Variants in INSM1 observed in about 807,000 individuals in gnomAD.
INSM1 encodes INSM transcriptional repressor 1, also known as insulinoma-associated protein 1.
A neutral mutation model predicts 21.1 loss-of-function variants in INSM1; 11 were observed. The ratio of observed to expected loss-of-function variants is 0.52; its 90% CI spans 0.33 to 0.86. INSM1 has a LOEUF of 0.86. INSM1 is among the 40% of genes least tolerant of loss of function. The pLI is 0.03. For missense variants in INSM1, 843 were observed against 760.1 expected (o/e 1.11, Z -1.28); for synonymous variants, 473 against 386.1 (o/e 1.23, Z -2.64).
In INSM1 at chr20:20,369,026, G is replaced by A; in HGVS notation, c.759G>A (p.Pro253=). 6.6e-7 allele frequency: 1 copy of A among 1,525,326 alleles called. No individual in the cohort carries two copies. Among genetic ancestry groups the A allele is most frequent in the Non-Finnish European group, 8.8e-7 (1 of 1,141,970 alleles). The allele number at this position is 1,525,326 out of a possible 1,614,324, so 94.5% of individuals were successfully genotyped here. A position where few individuals can be genotyped will look rare whatever the true frequency, so the allele number is the denominator to read the frequency against. The change falls in exon 1 of 1, where the codon CCG becomes CCA. Residue 253 remains proline (P), a synonymous_variant. Coordinates refer to ENST00000310227, the MANE Select transcript of INSM1 (RefSeq NM_002196.3). This position sits in a 1 kb window ranked among gnomAD's most constrained non-coding sequence, Gnocchi z 5.6. ...TCAAGGAGGGCCCGGTGGAGGCGCC[G>A]CGGGGCCGCGCGGGGGGCGCGGCGC... ...LKIKEGPVEA[P]RGRAGGAARP...
chr20:20,368,421 C>T lies in INSM1; in HGVS notation c.154C>T (p.Pro52Ser). The T allele has an allele frequency of 3.0e-6, 3 of 988,804 alleles. No homozygotes were observed. Among genetic ancestry groups the T allele is most frequent in the Non-Finnish European group, 3.6e-6 (3 of 833,764 alleles). The allele number at this position is 988,804 out of a possible 1,614,324, so 61.3% of individuals were successfully genotyped here. ...EPPAPSPVPGPLPPPPPAERA... is the reference protein window; with the variant it reads ...EPPAPSPVPGSLPPPPPAERA... ...CCCGGCGCCGAGCCCGGTCCCCGGG[C>T]CGCTGCCGCCGCCGCCGCCCGCGGA... Residue 52 changes from proline (P) to serine (S), a missense_variant, in exon 1 of 1, where the codon CCG (proline) becomes TCG (serine). By Grantham distance (74) the Pro-to-Ser change is moderately conservative. Coordinates refer to ENST00000310227, the MANE Select transcript of INSM1 (RefSeq NM_002196.3). The surrounding 1 kb of genome is among the most constrained non-coding windows in gnomAD (Gnocchi z 4.3).
rs1404617438 is a variant in INSM1 at position 20,370,583 on chromosome 20, A to C, written c.*783A>C. 2 of 166,664 alleles carry C rather than the reference A, an allele frequency of 1.2e-5. No homozygotes were observed. The highest frequency in any genetic ancestry group is 2.4e-5 in the African/African-American group (1 of 41,348). 10.3% of individuals were successfully genotyped at this position (166,664 alleles called of 1,614,324 possible). A position where few individuals can be genotyped will look rare whatever the true frequency, so the allele number is the denominator to read the frequency against. ...TATGAGTAATTGTTATTTATTCTTT[A>C]TTTATTTATATTAATTATGAAGATT... is the stretch of plus-strand genomic sequence containing the variant. On this transcript the variant is annotated 3_prime_UTR_variant, in exon 1 of 1. Coordinates refer to ENST00000310227, the MANE Select transcript of INSM1 (RefSeq NM_002196.3).
rs1485815222 is a variant in INSM1, at chr20:20,368,484, G to C, written c.217G>C (p.Ala73Pro). 2 of 1,119,720 alleles carry C rather than the reference G, an allele frequency of 1.8e-6. No homozygotes were observed. Among genetic ancestry groups the C allele is most frequent in the African/African-American group, 3.4e-5 (2 of 59,202 alleles). The allele number at this position is 1,119,720 out of a possible 1,614,324, so 69.4% of individuals were successfully genotyped here. A position where few individuals can be genotyped will look rare whatever the true frequency, so the allele number is the denominator to read the frequency against. ...HAALAAALAC[A>P]PGPQPPPQGP... ...AGCGCTCGCCGCCGCGCTTGCCTGCGCGCCTGGGCCGCAGCCACCCCCGCA... is the reference window on the plus strand; with the variant it reads ...AGCGCTCGCCGCCGCGCTTGCCTGCCCGCCTGGGCCGCAGCCACCCCCGCA... The change falls in exon 1 of 1, where the codon GCG (alanine) becomes CCG (proline). Residue 73 changes from alanine to proline, a missense_variant. Transcript: ENST00000310227. This position sits in a 1 kb window ranked among gnomAD's most constrained non-coding sequence, Gnocchi z 4.3.
rs987077866 is a variant in INSM1 at position 20,369,834 on chromosome 20, C to T, written c.*34C>T. 1 of 1,552,230 alleles carries T rather than the reference C, an allele frequency of 6.4e-7. No individual in the cohort carries two copies. Among genetic ancestry groups the T allele is most frequent in the Non-Finnish European group, 8.7e-7 (1 of 1,146,756 alleles). On this transcript the variant is annotated 3_prime_UTR_variant, in exon 1 of 1. Transcript: ENST00000310227. The surrounding 1 kb of genome is among the most constrained non-coding windows in gnomAD (Gnocchi z 5.6). Reference sequence around the variant, plus strand: ...CTCCACCCCGGCCCCCGAACTGTGCCTTCGCTTGGAGACCCACAAAGAGAG... The same window carrying T: ...CTCCACCCCGGCCCCCGAACTGTGCTTTCGCTTGGAGACCCACAAAGAGAG...
rs1298400908 is a variant in INSM1, at chr20:20,370,103, G to C, written c.*303G>C. 1 of 359,016 alleles carries C rather than the reference G, an allele frequency of 2.8e-6. No individual in the cohort carries two copies. The highest frequency in any genetic ancestry group is 5.2e-6 in the Non-Finnish European group (1 of 190,810). The allele number at this position is 359,016 out of a possible 1,614,324, so 22.2% of individuals were successfully genotyped here. ...GTACGCGTTTGTCTCGTGGTTGGAA[G>C]CCTCCCCTTGGCGGGGAGAAGCTTT... On this transcript the variant is annotated 3_prime_UTR_variant, in exon 1 of 1. Coordinates refer to ENST00000310227, the MANE Select transcript of INSM1 (RefSeq NM_002196.3).
In INSM1 at chr20:20,368,893, A is replaced by G. The variant is rs1267462854; in HGVS notation, c.626A>G (p.Glu209Gly). Residue 209 changes from glutamate to glycine, a missense_variant, in exon 1 of 1, where the codon GAG (glutamate) becomes GGG (glycine). By Grantham distance (98) the Glu-to-Gly change is moderately conservative. Coordinates refer to ENST00000310227, the MANE Select transcript of INSM1 (RefSeq NM_002196.3). This position sits in a 1 kb window ranked among gnomAD's most constrained non-coding sequence, Gnocchi z 4.3. Reference sequence around the variant, plus strand: ...CGGCCCCCGCCCCCTACCGCCGCGGAGCCGCCCGCCAAGGCAGTCAAGGCC... The same window carrying G: ...CGGCCCCCGCCCCCTACCGCCGCGGGGCCGCCCGCCAAGGCAGTCAAGGCC... ...GKRPPPPTAA[E>G]PPAKAVKAPG... The G allele has an allele frequency of 6.8e-7, 1 of 1,470,284 alleles. No individual in the cohort carries two copies. 91.1% of individuals were successfully genotyped at this position (1,470,284 alleles called of 1,614,324 possible).
chr20:20,369,481 A>T lies in INSM1; in HGVS notation c.1214A>T (p.Glu405Val). The change falls in exon 1 of 1, where the codon GAG becomes GTG. Residue 405 changes from glutamate (E) to valine (V), a missense_variant. Physicochemically the swap from Glu to Val is moderately radical, Grantham distance 121. Coordinates refer to ENST00000310227, the MANE Select transcript of INSM1 (RefSeq NM_002196.3). The surrounding 1 kb of genome is among the most constrained non-coding windows in gnomAD (Gnocchi z 5.6). ...GGCGCGCCGCTAGCGCCCCCGGCCG[A>T]GGACCTACTGGCCTTGTACCCCGGG... ...AKGAPLAPPA[E>V]DLLALYPGPD... The T allele has an allele frequency of 6.5e-7, 1 of 1,536,616 alleles. No individual in the cohort carries two copies. Among genetic ancestry groups the T allele is most frequent in the Non-Finnish European group, 8.7e-7 (1 of 1,151,118 alleles).
rs551376661 is a variant in INSM1, at chr20:20,369,838, G to A, written c.*38G>A. Reference sequence around the variant, plus strand: ...ACCCCGGCCCCCGAACTGTGCCTTCGCTTGGAGACCCACAAAGAGAGTGCG... The same window carrying A: ...ACCCCGGCCCCCGAACTGTGCCTTCACTTGGAGACCCACAAAGAGAGTGCG... On this transcript the variant is annotated 3_prime_UTR_variant, in exon 1 of 1. Transcript: ENST00000310227. The surrounding 1 kb of genome is among the most constrained non-coding windows in gnomAD (Gnocchi z 5.6). The A allele has an allele frequency of 1.3e-6, 2 of 1,544,170 alleles. No individual in the cohort carries two copies. The highest frequency in any genetic ancestry group is 2.5e-5 in the South Asian group (2 of 80,446).
chr20:20,369,048 G>T lies in INSM1; in HGVS notation c.781G>T (p.Ala261Ser). 6.4e-7 allele frequency: 1 copy of T among 1,552,292 alleles called. No homozygotes were observed. Residue 261 changes from alanine (A) to serine (S), a missense_variant, in exon 1 of 1, where the codon GCG (alanine) becomes TCG (serine). Transcript: ENST00000310227. The surrounding 1 kb of genome is among the most constrained non-coding windows in gnomAD (Gnocchi z 5.6). ...EAPRGRAGGA[A>S]RPLGEFICQL... is the part of the protein sequence containing the mutation. The stretch of plus-strand genomic sequence containing the variant: ...GCCGCGGGGCCGCGCGGGGGGCGCG[G>T]CGCGGCCGCTGGGCGAGTTCATCTG...
rs373117706 is a variant in INSM1, at chr20:20,368,258, C to T, written c.-10C>T. 1.3e-3 allele frequency: 1,632 copies of T among 1,239,176 alleles called. 3 individuals are homozygous for T. The highest frequency in any genetic ancestry group is 1.5e-3 in the Non-Finnish European group (1,496 of 976,866). 76.8% of individuals were successfully genotyped at this position (1,239,176 alleles called of 1,614,324 possible). On this transcript the variant is annotated 5_prime_UTR_variant, in exon 1 of 1. Coordinates refer to ENST00000310227, the MANE Select transcript of INSM1 (RefSeq NM_002196.3). This position sits in a 1 kb window ranked among gnomAD's most constrained non-coding sequence, Gnocchi z 4.3. ...ACCGAGCCAGTGCCGTGCCCTCGGG[C>T]CGCGCCAACATGCCCCGCGGCTTCC... is the stretch of plus-strand genomic sequence containing the variant.
Position 20,369,233 on chromosome 20 carries a change from G to A in INSM1, c.966G>A (p.Ala322=), listed in dbSNP as rs745321224. 4.8e-6 allele frequency: 7 copies of A among 1,448,892 alleles called. No homozygotes were observed. The highest frequency in any genetic ancestry group is 5.4e-6 in the Non-Finnish European group (6 of 1,108,728). 89.8% of individuals were successfully genotyped at this position (1,448,892 alleles called of 1,614,324 possible). The change falls in exon 1 of 1, where the codon GCG becomes GCA. Residue 322 remains alanine, a synonymous_variant. Coordinates refer to ENST00000310227, the MANE Select transcript of INSM1 (RefSeq NM_002196.3). This position sits in a 1 kb window ranked among gnomAD's most constrained non-coding sequence, Gnocchi z 5.6. ...GCCGCTGGCACAAACCGCGGCCCGCGCCCGCCGCCGCCCGCGCGCCGGAGC... is the reference window on the plus strand; with the variant it reads ...GCCGCTGGCACAAACCGCGGCCCGCACCCGCCGCCGCCCGCGCGCCGGAGC... ...SHRRWHKPRP[A]PAAARAPEPE...
chr20:20,368,185 A>C lies in INSM1; in HGVS notation c.-83A>C. On this transcript the variant is annotated 5_prime_UTR_variant, in exon 1 of 1. Coordinates refer to ENST00000310227, the MANE Select transcript of INSM1 (RefSeq NM_002196.3). This position sits in a 1 kb window ranked among gnomAD's most constrained non-coding sequence, Gnocchi z 4.3. ...AGTCCCGCAGCCGCCGCGCCCGGGC[A>C]ATGGGCCGGGGGCACTGAGGGCCGC... The C allele has an allele frequency of 1.0e-6, 1 of 964,844 alleles. No individual in the cohort carries two copies. Among genetic ancestry groups the C allele is most frequent in the South Asian group, 4.9e-5 (1 of 20,584 alleles). The allele number at this position is 964,844 out of a possible 1,614,324, so 59.8% of individuals were successfully genotyped here. A position where few individuals can be genotyped will look rare whatever the true frequency, so the allele number is the denominator to read the frequency against.
Position 20,368,259 on chromosome 20 carries a change from C to T in INSM1, c.-9C>T. 1 of 1,241,460 alleles carries T rather than the reference C, an allele frequency of 8.1e-7. No individual in the cohort carries two copies. Among genetic ancestry groups the T allele is most frequent in the East Asian group, 4.8e-5 (1 of 20,696 alleles). The allele number at this position is 1,241,460 out of a possible 1,614,324, so 76.9% of individuals were successfully genotyped here. A position where few individuals can be genotyped will look rare whatever the true frequency, so the allele number is the denominator to read the frequency against. The stretch of plus-strand genomic sequence containing the variant: ...CCGAGCCAGTGCCGTGCCCTCGGGC[C>T]GCGCCAACATGCCCCGCGGCTTCCT... On this transcript the variant is annotated 5_prime_UTR_variant, in exon 1 of 1. Transcript: ENST00000310227. The surrounding 1 kb of genome is among the most constrained non-coding windows in gnomAD (Gnocchi z 4.3).
rs752807301 is a variant in INSM1 at position 20,369,729 on chromosome 20, A to G, written c.1462A>G (p.Ile488Val). 6.1e-5 allele frequency: 98 copies of G among 1,602,118 alleles called. No individual in the cohort carries two copies. Among genetic ancestry groups the G allele is most frequent in the African/African-American group, 9.3e-5 (7 of 74,892 alleles). ...FYSSPGLTRH[I>V]NKCHPSENRQ... ...CAGCTCGCCCGGCCTTACGCGGCAC[A>G]TCAACAAGTGCCACCCATCCGAAAA... Residue 488 changes from isoleucine (I) to valine (V), a missense_variant, in exon 1 of 1, where the codon ATC (isoleucine) becomes GTC (valine). Transcript: ENST00000310227. This position sits in a 1 kb window ranked among gnomAD's most constrained non-coding sequence, Gnocchi z 5.6.
In INSM1 at chr20:20,369,817, CG is replaced by C; in HGVS notation, c.*19del. 6.4e-7 allele frequency: 1 copy of C among 1,571,742 alleles called. No homozygotes were observed. The highest frequency in any genetic ancestry group is 8.6e-7 in the Non-Finnish European group (1 of 1,158,008). On this transcript the variant is annotated 3_prime_UTR_variant, in exon 1 of 1. Coordinates refer to ENST00000310227, the MANE Select transcript of INSM1 (RefSeq NM_002196.3). The surrounding 1 kb of genome is among the most constrained non-coding windows in gnomAD (Gnocchi z 5.6). ...GCCTGCTAGAGCGCGCCCTCCACCC[CG>C]GCCCCCGAACTGTGCCTTCGCTTGG...
In INSM1 at chr20:20,368,755, C is replaced by A; in HGVS notation, c.488C>A (p.Ala163Glu). The A allele has an allele frequency of 8.7e-7, 1 of 1,155,202 alleles. No individual in the cohort carries two copies. 71.6% of individuals were successfully genotyped at this position (1,155,202 alleles called of 1,614,324 possible). The change falls in exon 1 of 1, where the codon GCG becomes GAG. Residue 163 changes from alanine to glutamate, a missense_variant. Ala to Glu is a moderately radical substitution (Grantham distance 107). Transcript: ENST00000310227. The surrounding 1 kb of genome is among the most constrained non-coding windows in gnomAD (Gnocchi z 4.3). ...TGCGGCGGCGACCCGCTGCTCTTCG[C>A]GCCCGCCGAGCTCAAGATGGGCACG... is the stretch of plus-strand genomic sequence containing the variant. ...GTCGGDPLLF[A>E]PAELKMGTAF...
rs1159562783 is a variant in INSM1, at chr20:20,368,884, C to T, written c.617C>T (p.Thr206Ile). Residue 206 changes from threonine (T) to isoleucine (I), a missense_variant, in exon 1 of 1, where the codon ACC becomes ATC. By Grantham distance (89) the Thr-to-Ile change is moderately conservative. Transcript: ENST00000310227. This position sits in a 1 kb window ranked among gnomAD's most constrained non-coding sequence, Gnocchi z 4.3. Reference protein sequence around the residue: ...RPPGKRPPPPTAAEPPAKAVK... With the variant: ...RPPGKRPPPPIAAEPPAKAVK... ...CCGGGAAAGCGGCCCCCGCCCCCTA[C>T]CGCCGCGGAGCCGCCCGCCAAGGCA... is the stretch of plus-strand genomic sequence containing the variant. 1.4e-6 allele frequency: 2 copies of T among 1,454,238 alleles called. No individual in the cohort carries two copies. The highest frequency in any genetic ancestry group is 3.0e-5 in the African/African-American group (2 of 67,478). The allele number at this position is 1,454,238 out of a possible 1,614,324, so 90.1% of individuals were successfully genotyped here.
rs763518733 is a variant in INSM1, at chr20:20,369,449, G to A, written c.1182G>A (p.Gln394=). Residue 394 remains glutamine, a synonymous_variant, in exon 1 of 1, where the codon CAG becomes CAA. Transcript: ENST00000310227. This position sits in a 1 kb window ranked among gnomAD's most constrained non-coding sequence, Gnocchi z 5.6. The part of the protein sequence containing the change: ...KHLLAHHQAL[Q]AKGAPLAPPA... The stretch of plus-strand genomic sequence containing the variant: ...TGCTGGCGCACCACCAGGCGCTGCA[G>A]GCCAAGGGCGCGCCGCTAGCGCCCC... 34 of 1,537,118 alleles carry A rather than the reference G, an allele frequency of 2.2e-5. No individual in the cohort carries two copies. In the Admixed American group the frequency reaches 6.3e-4, roughly 29 times the overall value.
Position 20,368,686 on chromosome 20 carries a change from G to T in INSM1, c.419G>T (p.Gly140Val), listed in dbSNP as rs1324998944. 6.1e-6 allele frequency: 8 copies of T among 1,320,902 alleles called. No individual in the cohort carries two copies. Among genetic ancestry groups the T allele is most frequent in the South Asian group, 1.8e-5 (1 of 54,982 alleles). 81.8% of individuals were successfully genotyped at this position (1,320,902 alleles called of 1,614,324 possible). A position where few individuals can be genotyped will look rare whatever the true frequency, so the allele number is the denominator to read the frequency against. Residue 140 changes from glycine (G) to valine (V), a missense_variant, in exon 1 of 1, where the codon GGG becomes GTG. Gly to Val is a moderately radical substitution (Grantham distance 109, BLOSUM62 -3). Coordinates refer to ENST00000310227, the MANE Select transcript of INSM1 (RefSeq NM_002196.3). The surrounding 1 kb of genome is among the most constrained non-coding windows in gnomAD (Gnocchi z 4.3). ...SFPTPAALLGGGGGGGASGAG... is the reference protein window; with the variant it reads ...SFPTPAALLGVGGGGGASGAG... ...CCCACGCCCGCCGCGCTGCTCGGAG[G>T]GGGCGGCGGCGGCGGCGCGAGCGGA...
Sources: allele counts gnomAD v4.1 joint callset, GRCh38; gene constraint gnomAD v4.1.1; non-coding constraint Gnocchi (gnomAD v3.1); transcripts MANE v1.5; gene names NCBI Gene and HGNC (gene_info 2026-07-23, HGNC 2026-07-21).